Variants in PIKFYVE observed in about 807,000 individuals in gnomAD.
PIKFYVE encodes the protein 1-phosphatidylinositol 3-phosphate 5-kinase.
In PIKFYVE, 122 loss-of-function variants were observed where a neutral mutation model predicts 257.9. That is an observed-to-expected ratio of 0.47 (90% CI 0.41 to 0.55). PIKFYVE has a LOEUF of 0.55. PIKFYVE is among the 20% of genes least tolerant of loss of function. PIKFYVE has a pLI of 0.00. For missense variants in PIKFYVE, 2,160 were observed against 2,536.6 expected (o/e 0.85, Z 3.19); for synonymous variants, 892 against 868.9 (o/e 1.03, Z -0.47).
Position 208,333,469 on chromosome 2 carries a change from A to C in PIKFYVE, c.4118A>C (p.Tyr1373Ser). The change falls in exon 24 of 42, where the codon TAT (tyrosine) becomes TCT (serine). Residue 1373 changes from tyrosine to serine, a missense_variant. Transcript: ENST00000264380. ...IHHDYHQYFS[Y>S]NQMVASFSYS... ...CATGATTATCACCAGTATTTCTCCT[A>C]TAACCAGATGGTGGCGTCTTTCAGG... 1 of 1,614,034 alleles carries C rather than the reference A, an allele frequency of 6.2e-7. No homozygotes were observed. Among genetic ancestry groups the C allele is most frequent in the Non-Finnish European group, 8.5e-7 (1 of 1,179,968 alleles).
At position 208,330,672 on chromosome 2, in the gene PIKFYVE, C is replaced by G; in HGVS notation, c.3941C>G (p.Ser1314Cys). The G allele has an allele frequency of 6.2e-7, 1 of 1,613,786 alleles. No homozygotes were observed. Among genetic ancestry groups the G allele is most frequent in the Admixed American group, 1.7e-5 (1 of 60,020 alleles). Reference protein sequence around the residue: ...PGYQHTILTYSWCRICKQVTP... With the variant: ...PGYQHTILTYCWCRICKQVTP... Reference sequence around the variant, plus strand: ...TATCAGCATACAATTCTTACATATTCCTGGTGTAGAATCTGCAAACAGGTA... The same window carrying G: ...TATCAGCATACAATTCTTACATATTGCTGGTGTAGAATCTGCAAACAGGTA... The change falls in exon 23 of 42, where the codon TCC becomes TGC. Residue 1314 changes from serine to cysteine, a missense_variant. Coordinates refer to ENST00000264380, the MANE Select transcript of PIKFYVE (RefSeq NM_015040.4).
intron 33 of PIKFYVE, 31 bp from the exon 34 acceptor site, chr2:208,346,019 A>T: frequency 6.5e-7 from 1 of 1,544,686 alleles, no homozygotes; most frequent in Non-Finnish European, 8.9e-7. Context: ...GTATAAAACT[A>T]AATTTTTCTT....
chr2:208,319,960 T>G (rs1290478698), intron 16 of PIKFYVE, among the ~76,000 whole-genome samples: 2 of 152,054 alleles, frequency 1.3e-5, no homozygotes, highest in Non-Finnish European at 2.9e-5. Flanking sequence ...CAGGGCATGA[T>G]GTCTCTTCTT....
Position 208,358,703 on chromosome 2 carries a change from A to C in PIKFYVE, c.*3398A>C, listed in dbSNP as rs950665019. The C allele has an allele frequency of 6.6e-6, 1 of 152,636 alleles. No individual in the cohort carries two copies. The highest frequency in any genetic ancestry group is 6.5e-5 in the Admixed American group (1 of 15,282). The allele number at this position is 152,636 out of a possible 1,614,324, so 9.5% of individuals were successfully genotyped here. Reference sequence around the variant, plus strand: ...CTGCCTTGAACTTTTGGAGACTTGTACTGTAAATAAAGAAATCTTAACAAT... The same window carrying C: ...CTGCCTTGAACTTTTGGAGACTTGTCCTGTAAATAAAGAAATCTTAACAAT... On this transcript the variant is annotated 3_prime_UTR_variant, in exon 42 of 42. Coordinates refer to ENST00000264380, the MANE Select transcript of PIKFYVE (RefSeq NM_015040.4).
intron 32 of PIKFYVE, among the ~76,000 whole-genome samples, chr2:208,344,907 A>G (rs915105871): frequency 2.0e-5 from 3 of 152,112 alleles, no homozygotes; most frequent in African/African-American, 7.2e-5. Context: ...TCAGTGGGTC[A>G]TATTTTGTAT....
chr2:208,327,717 C>T (rs1697092671), intron 20 of PIKFYVE, among the ~76,000 whole-genome samples: 1 of 152,124 alleles, frequency 6.6e-6, no homozygotes, highest in Admixed American at 6.6e-5. Context: ...TGAACTTCTT[C>T]ATATGCTTCT....
In PIKFYVE at chr2:208,325,845, A is replaced by T. The variant is rs755986758; in HGVS notation, c.3034A>T (p.Ile1012Leu). ...TGTGCTGCAGGATCCCAAAAGCCAG[A>T]TAAGAGCCTTTAGAGACCCTCTACA... ...TVVLQDPKSQ[I>L]RAFRDPLQDD... The change falls in exon 20 of 42, where the codon ATA becomes TTA. Residue 1012 changes from isoleucine (I) to leucine (L), a missense_variant. Ile to Leu is a conservative substitution (Grantham distance 5). Around this residue, in one of 12 missense-constraint regions of PIKFYVE, gnomAD observed 522 missense variants for 514.6 expected, o/e 1.01. Transcript: ENST00000264380. 21 of 1,613,986 alleles carry T rather than the reference A, an allele frequency of 1.3e-5. No homozygotes were observed. The South Asian group carries it at 2.1e-4, about 16-fold the overall frequency.
At chr2:208,324,052 C>G (rs1006577437) in intron 17 of PIKFYVE, 90 bp from the exon 18 acceptor site, 3 of 1,419,126 alleles carry the variant, frequency 2.1e-6, no homozygotes, top group South Asian at 2.3e-5. Context: ...TTCTCCCATT[C>G]TGTAGGTTGC....
intron 7 of PIKFYVE, among the ~76,000 whole-genome samples, chr2:208,294,925 A>T (rs932927297): frequency 2.6e-5 from 4 of 152,230 alleles, no homozygotes; most frequent in Non-Finnish European, 4.4e-5. Flanking sequence ...CACTGTGAGG[A>T]CGTGGTAGAT....
rs374335581 is a variant in PIKFYVE at position 208,290,085 on chromosome 2, G to C, written c.911+1267G>C. 4.7e-4 allele frequency among the ~76,000 whole-genome samples: 72 copies of C among 152,294 alleles called. 3 individuals are homozygous for C. The South Asian group carries it at 0.01, about 21-fold the overall frequency. Reference sequence around the variant, plus strand: ...ATGACTATCGGTGTCCTGCACTAGAGTGGCATATTGTATTCAGTGGACCTA... The same window carrying C: ...ATGACTATCGGTGTCCTGCACTAGACTGGCATATTGTATTCAGTGGACCTA... On this transcript the variant is annotated intron_variant, in intron 7 of 41. Transcript: ENST00000264380.
intron 12 of PIKFYVE, among the ~76,000 whole-genome samples, chr2:208,307,721 G>A (rs967540940): frequency 1.8e-4 from 27 of 152,122 alleles, no homozygotes; most frequent in Admixed American, 1.6e-3. Context: ...AAACTAAGTC[G>A]TTCCAAAACA....
intron 13 of PIKFYVE, among the ~76,000 whole-genome samples, chr2:208,312,751 ATTTC>A (rs1216667248): frequency 3.3e-5 from 5 of 152,198 alleles, no homozygotes; most frequent in Non-Finnish European, 7.3e-5. Flanking sequence ...CTGATGATAA[ATTTC>A]TTTTGGACAC....
At chr2:208,293,686 T>G (rs1003541734) in intron 7 of PIKFYVE, among the ~76,000 whole-genome samples, 5 of 151,940 alleles carry the variant, frequency 3.3e-5, no homozygotes, top group African/African-American at 1.2e-4. Context: ...TTTTTTTTTT[T>G]TTTTCTTTAA....
chr2:208,290,717 A>G (rs948485890), intron 7 of PIKFYVE, among the ~76,000 whole-genome samples: 6 of 152,266 alleles, frequency 3.9e-5, no homozygotes, highest in Admixed American at 2.6e-4. Context: ...TGGTTTTACC[A>G]TTTTGCATTC....
rs780528852 is a variant in PIKFYVE at position 208,325,277 on chromosome 2, C to G, written c.2466C>G (p.Thr822=). 1.2e-6 allele frequency: 2 copies of G among 1,613,608 alleles called. No individual in the cohort carries two copies. Among genetic ancestry groups the G allele is most frequent in the East Asian group, 4.5e-5 (2 of 44,844 alleles). The change falls in exon 20 of 42, where the codon ACC becomes ACG. Residue 822 remains threonine (T), a synonymous_variant. Transcript: ENST00000264380. ...GTTTGTTTTTGTTTGTAGAACAAAC[C>G]AAGACACTGATGTTTTTTGAAGGTT... ...MQIFQLPNEQ[T]KTLMFFEGCP... is the part of the protein sequence containing the mutation.
chr2:208,276,058 T>TAA (rs1690060328), intron 3 of PIKFYVE, among the ~76,000 whole-genome samples: 1 of 152,184 alleles, frequency 6.6e-6, no homozygotes. Context: ...GCTGTGGGGT[T>TAA]GGGGAAGTGA....
Position 208,346,121 on chromosome 2 carries a change from G to T in PIKFYVE, c.5183G>T (p.Arg1728Leu). The change falls in exon 34 of 42, where the codon CGT (arginine) becomes CTT (leucine). Residue 1728 changes from arginine to leucine, a missense_variant. This residue lies in a region of PIKFYVE where 699 missense variants were observed against 855.8 expected (regional missense o/e 0.82). Transcript: ENST00000264380. ...LPEMSGGQTN[R>L]TTETEPQPTK... ...GAAATGAGTGGAGGACAGACAAATC[G>T]TACAACAGAAACAGAACCACAACCA... 6.2e-7 allele frequency: 1 copy of T among 1,612,414 alleles called. No homozygotes were observed. The highest frequency in any genetic ancestry group is 8.5e-7 in the Non-Finnish European group (1 of 1,178,796).
intron 34 of PIKFYVE, among the ~76,000 whole-genome samples, chr2:208,347,619 CT>C (rs1296875974): frequency 6.6e-6 from 1 of 152,006 alleles, no homozygotes; most frequent in African/African-American, 2.4e-5. Context: ...AACCTTCTAT[CT>C]TTTTTTATGT....
chr2:208,349,735 AGTT>A (rs1699593503), intron 35 of PIKFYVE, among the ~76,000 whole-genome samples: 1 of 151,992 alleles, frequency 6.6e-6, no homozygotes, highest in African/African-American at 2.4e-5. Context: ...ATAAGAACTG[AGTT>A]ACTATATTGC....
Sources: gnomAD v4.1 joint callset for allele counts (sites outside exome capture counted in the v4.1 genomes callset) on GRCh38, gnomAD v4.1.1 for gene constraint, gnomAD v4.1.1 regional missense constraint, MANE v1.5 for transcripts, NCBI Gene and HGNC (gene_info 2026-07-23, HGNC 2026-07-21) for gene names.